Variants in B3GLCT observed in about 807,000 individuals in gnomAD.
B3GLCT encodes the protein beta 3-glucosyltransferase.
Under a neutral mutation model 63.4 loss-of-function variants are expected in B3GLCT, and 65 were observed. That is an observed-to-expected ratio of 1.03 (90% CI 0.84 to 1.26). B3GLCT has a LOEUF of 1.26. Among genes scored for constraint, B3GLCT ranks in the 50% most tolerant of loss-of-function variants. The pLI is 0.00. For synonymous variants in B3GLCT, 233 were observed against 219.2 expected (o/e 1.06, Z -0.55); for missense variants, 577 against 604.8 (o/e 0.95, Z 0.48).
intron 13 of B3GLCT, among the ~76,000 whole-genome samples, chr13:31,320,305 C>T (rs1875270870): frequency 6.6e-6 from 1 of 152,090 alleles, no homozygotes; most frequent in Non-Finnish European, 1.5e-5. Flanking sequence ...TGGGATGAGT[C>T]CTCAATTTAA....
At chr13:31,276,862 A>G (rs1872818263) in intron 10 of B3GLCT, 91 bp downstream of exon 10, 2 of 932,042 alleles carry the variant, frequency 2.1e-6, no homozygotes, top group Middle Eastern at 2.6e-4. Context: ...GTAAATTCAG[A>G]AAAGGGATAA....
At chr13:31,273,331 C>T (rs1003452273) in intron 8 of B3GLCT, among the ~76,000 whole-genome samples, 12 of 152,114 alleles carry the variant, frequency 7.9e-5, no homozygotes, top group Non-Finnish European at 1.5e-4. Context: ...CCTGACCTGG[C>T]GATCTGCCCG....
chr13:31,243,008 T>C (rs1045964254), intron 4 of B3GLCT, among the ~76,000 whole-genome samples: 4 of 152,258 alleles, frequency 2.6e-5, no homozygotes, highest in Non-Finnish European at 1.5e-5. Context: ...ATTACAGATC[T>C]CTGTTATCCT....
At chr13:31,249,789 G>A (rs996685282) in intron 6 of B3GLCT, among the ~76,000 whole-genome samples, 2 of 152,168 alleles carry the variant, frequency 1.3e-5, no homozygotes, top group African/African-American at 4.8e-5. Flanking sequence ...AAGATTATAT[G>A]ATGTTGAAGT....
At chr13:31,250,903 C>T (rs1487041564) in intron 6 of B3GLCT, among the ~76,000 whole-genome samples, 3 of 152,146 alleles carry the variant, frequency 2.0e-5, no homozygotes, top group Non-Finnish European at 2.9e-5. Context: ...CCTGAACCCC[C>T]GTGTAGCCTG....
chr13:31,298,917 G>GT (rs1426523754), intron 12 of B3GLCT, among the ~76,000 whole-genome samples: 4 of 152,216 alleles, frequency 2.6e-5, no homozygotes, highest in Non-Finnish European at 5.9e-5. Flanking sequence ...CATAGTTATG[G>GT]TTTTTTGCTT....
intron 6 of B3GLCT, among the ~76,000 whole-genome samples, chr13:31,253,313 C>T (rs1026901645): frequency 6.6e-6 from 1 of 151,754 alleles, no homozygotes; most frequent in African/African-American, 2.4e-5. Flanking sequence ...TAGAGAAGAC[C>T]GGGTGCGGTG....
chr13:31,279,777 G>A (rs578010593), intron 10 of B3GLCT, among the ~76,000 whole-genome samples: 14 of 152,254 alleles, frequency 9.2e-5, no homozygotes, highest in Admixed American at 4.6e-4. Flanking sequence ...ACCTGGGAGC[G>A]CTACGGGAGA....
chr13:31,296,081 C>T (rs1321297840), intron 12 of B3GLCT, among the ~76,000 whole-genome samples: 3 of 152,308 alleles, frequency 2.0e-5, no homozygotes, highest in African/African-American at 4.8e-5. Context: ...TCCCCGTCCC[C>T]TTGTGCTTCC....
At chr13:31,230,940 A>C (rs1019855289) in intron 4 of B3GLCT, among the ~76,000 whole-genome samples, 2 of 152,144 alleles carry the variant, frequency 1.3e-5, no homozygotes, top group African/African-American at 4.8e-5. Context: ...CCCAGGAGAC[A>C]GAGGTTGCAG....
At chr13:31,262,633 C>G (rs7332089) in intron 7 of B3GLCT, among the ~76,000 whole-genome samples, 32,202 of 152,102 alleles carry the variant, frequency 0.21, 3,467 homozygotes, top group South Asian at 0.28. Context: ...CCAGGAGCTC[C>G]CAGGACATTC....
rs1237318507 is a variant in B3GLCT, at chr13:31,331,348, A to G, written c.*1680A>G. The G allele has an allele frequency of 1.3e-5, 2 of 152,202 alleles. No homozygotes were observed. Among genetic ancestry groups the G allele is most frequent in the East Asian group, 1.9e-4 (1 of 5,196 alleles). 9.4% of individuals were successfully genotyped at this position (152,202 alleles called of 1,614,324 possible). A position where few individuals can be genotyped will look rare whatever the true frequency, so the allele number is the denominator to read the frequency against. On this transcript the variant is annotated 3_prime_UTR_variant, in exon 15 of 15. Coordinates refer to ENST00000343307, the MANE Select transcript of B3GLCT (RefSeq NM_194318.4). ...TGAGAGAACAACATGTTCATTTGAC[A>G]TGATTGAAGCTGGCATCCGTATATG...
rs568045889 is a variant in B3GLCT at position 31,219,634 on chromosome 13, C to T, written c.121-3318C>T. Among the ~76,000 whole-genome samples the T allele has an allele frequency of 2.0e-5, 3 of 152,260 alleles. No individual in the cohort carries two copies. The East Asian group carries it at 5.8e-4, about 29-fold the overall frequency. On this transcript the variant is annotated intron_variant, in intron 2 of 14. Transcript: ENST00000343307. ...AGTGAACCTCGCTGTGCTCAGCCTC[C>T]TCATCTGTAAGATGGGGTAGTAGGA...
At chr13:31,308,918 G>A (rs1874554790) in intron 12 of B3GLCT, among the ~76,000 whole-genome samples, 1 of 152,200 alleles carries the variant, frequency 6.6e-6, no homozygotes, top group South Asian at 2.1e-4. Context: ...TAGTGTCACG[G>A]TCTAACCCAG....
intron 7 of B3GLCT, among the ~76,000 whole-genome samples, chr13:31,263,367 A>G (rs907899671): frequency 6.6e-6 from 1 of 152,212 alleles, no homozygotes; most frequent in African/African-American, 2.4e-5. Context: ...AGGTTGATGG[A>G]AGTGATCCTG....
At chr13:31,214,967 A>G (rs1302621051) in intron 1 of B3GLCT, 84 bp from the exon 2 acceptor site, 2 of 1,315,556 alleles carry the variant, frequency 1.5e-6, no homozygotes, top group Non-Finnish European at 2.1e-6. Flanking sequence ...ATCTTTTTTT[A>G]TTATAAGCAA....
intron 13 of B3GLCT, among the ~76,000 whole-genome samples, chr13:31,322,019 T>C (rs1875351795): frequency 6.6e-6 from 1 of 152,212 alleles, no homozygotes; most frequent in South Asian, 2.1e-4. Context: ...CCAAAGTTCA[T>C]TGTATCATTC....
intron 8 of B3GLCT, among the ~76,000 whole-genome samples, chr13:31,272,072 G>C (rs1395125670): frequency 1.3e-5 from 2 of 151,900 alleles, no homozygotes; most frequent in Non-Finnish European, 2.9e-5. Context: ...CTTTTAAAGA[G>C]GACATGCCTT....
chr13:31,240,282 T>C (rs1026620725), intron 4 of B3GLCT, among the ~76,000 whole-genome samples: 2 of 152,194 alleles, frequency 1.3e-5, no homozygotes, highest in Non-Finnish European at 2.9e-5. Context: ...TCTCTCCACC[T>C]GAACTATGTA....
Sources: allele counts gnomAD v4.1 joint callset (sites outside exome capture counted in the v4.1 genomes callset), GRCh38; gene constraint gnomAD v4.1.1; transcripts MANE v1.5; gene names NCBI Gene and HGNC (gene_info 2026-07-23, HGNC 2026-07-21).